Variants in PTPRN2 observed in about 807,000 individuals in gnomAD.
PTPRN2 encodes protein tyrosine phosphatase receptor type N2.
A neutral mutation model predicts 118.8 loss-of-function variants in PTPRN2; 74 were observed. That is an observed-to-expected ratio of 0.62 (90% CI 0.52 to 0.76). PTPRN2 has a LOEUF of 0.76. Ranked by LOEUF, PTPRN2 falls within the 30% of genes least tolerant of loss-of-function variation. The probability of loss-of-function intolerance (pLI) is 0.00; values close to 1 mark genes in which losing one functional copy is unlikely to be tolerated. For synonymous variants in PTPRN2, 641 were observed against 608.0 expected, an observed-to-expected ratio of 1.05 and a Z score of -0.80; for missense variants, 1,481 against 1,394.4, an observed-to-expected ratio of 1.06 and a Z score of -0.99.
intron 12 of PTPRN2, among the ~76,000 whole-genome samples, chr7:157,768,092 G>A (rs532341224): frequency 3.9e-5 from 6 of 152,308 alleles, no homozygotes; most frequent in Admixed American, 3.9e-4. Context: ...GAACAAACTG[G>A]AAAGACAAAC....
At position 158,033,596 on chromosome 7, in the gene PTPRN2, G is replaced by C. The variant is rs141202800; in HGVS notation, c.1723+47702C>G. ...ATCTCAGGAGAGGGGAGGGCTGGTG[G>C]GTGGGTTAAAGCTTGTGGCCAATGG... On this transcript the variant is annotated intron_variant, in intron 11 of 22. Transcript: ENST00000389418. 2.4e-4 allele frequency among the ~76,000 whole-genome samples: 36 copies of C among 152,300 alleles called. No individual in the cohort carries two copies. The Middle Eastern group carries it at 0.01, about 43-fold the overall frequency.
chr7:157,566,778 GGACA>G (rs1317487632), intron 21 of PTPRN2, among the ~76,000 whole-genome samples: 12 of 152,374 alleles, frequency 7.9e-5, no homozygotes, highest in Non-Finnish European at 1.3e-4. Context: ...CTCGAACCCA[GGACA>G]TACTTCTCCA....
At chr7:157,853,530 C>T (rs1809449650) in intron 12 of PTPRN2, among the ~76,000 whole-genome samples, 1 of 152,068 alleles carries the variant, frequency 6.6e-6, no homozygotes, top group Admixed American at 6.5e-5. Context: ...CAAAATCCAG[C>T]ACAAGCCCCG....
chr7:158,381,346 C>G (rs1216347316), intron 2 of PTPRN2, among the ~76,000 whole-genome samples: 3 of 152,158 alleles, frequency 2.0e-5, no homozygotes, highest in Non-Finnish European at 4.4e-5. Flanking sequence ...CGCCACATAC[C>G]CTAAATCATC....
At chr7:158,164,220 C>T (rs1040268213) in intron 6 of PTPRN2, among the ~76,000 whole-genome samples, 1 of 148,326 alleles carries the variant, frequency 6.7e-6, no homozygotes, top group African/African-American at 2.6e-5. Context: ...AGAACAGGAG[C>T]GCGCAGGAAG....
intron 1 of PTPRN2, among the ~76,000 whole-genome samples, chr7:158,545,597 A>T (rs766577699): frequency 6.6e-6 from 1 of 152,130 alleles, no homozygotes; most frequent in Non-Finnish European, 1.5e-5. Context: ...TGAGGAGCTG[A>T]GGGCCACTAG....
At chr7:158,000,419 G>GAGAAAGCC (rs1805130862) in intron 11 of PTPRN2, among the ~76,000 whole-genome samples, 1 of 152,002 alleles carries the variant, frequency 6.6e-6, no homozygotes, top group Non-Finnish European at 1.5e-5. Context: ...CACCCAACAC[G>GAGAAAGCC]TGAAAGCCGT....
At chr7:158,240,606 T>A (rs1795852943) in intron 3 of PTPRN2, among the ~76,000 whole-genome samples, 1 of 152,138 alleles carries the variant, frequency 6.6e-6, no homozygotes. Flanking sequence ...TTTTTGTATT[T>A]TTAGTAGAGA....
rs2151111578 is a variant in PTPRN2, at chr7:157,808,932, A to C, written c.1788+89741T>G. Among the ~76,000 whole-genome samples, 1 of 152,268 alleles carries C rather than the reference A, an allele frequency of 6.6e-6. No individual in the cohort carries two copies. Among genetic ancestry groups the C allele is most frequent in the African/African-American group, 2.4e-5 (1 of 41,548 alleles). ...AGCACCTCCCGAAGTGTGGTGTGTC[A>C]CTTGCTTTTATGTGGAATGTGGGCA... On this transcript the variant is annotated intron_variant, in intron 12 of 22. Coordinates refer to ENST00000389418, the MANE Select transcript of PTPRN2 (RefSeq NM_002847.5). The surrounding 1 kb of genome is among the most constrained non-coding windows in gnomAD (Gnocchi z 5.0).
intron 21 of PTPRN2, among the ~76,000 whole-genome samples, chr7:157,558,781 C>G (rs1446904444): frequency 6.6e-6 from 1 of 152,242 alleles, no homozygotes; most frequent in Admixed American, 6.5e-5. Context: ...CTCTCCTCCC[C>G]CTTGCTCCTG....
At chr7:157,750,645 A>G (rs1475172235) in intron 12 of PTPRN2, among the ~76,000 whole-genome samples, 1 of 152,220 alleles carries the variant, frequency 6.6e-6, no homozygotes, top group Non-Finnish European at 1.5e-5. Flanking sequence ...TATTTTGGAA[A>G]TAGGTTTTGG....
chr7:157,936,056 A>G (rs1192657800), intron 11 of PTPRN2, among the ~76,000 whole-genome samples: 2 of 152,212 alleles, frequency 1.3e-5, no homozygotes, highest in Non-Finnish European at 2.9e-5. Flanking sequence ...CTCATGGTGC[A>G]GCAACGCCAT....
intron 2 of PTPRN2, among the ~76,000 whole-genome samples, chr7:158,337,782 C>T (rs1169822371): frequency 4.9e-3 from 140 of 28,758 alleles, no homozygotes; most frequent in Middle Eastern, 0.017. Context: ...GTCACTCACA[C>T]CCACACTCTC....
At chr7:158,008,166 G>A (rs906095190) in intron 11 of PTPRN2, among the ~76,000 whole-genome samples, 3 of 151,472 alleles carry the variant, frequency 2.0e-5, no homozygotes, top group African/African-American at 7.3e-5. Flanking sequence ...GGTGTGCTGT[G>A]TGTGGGGTGT....
chr7:158,167,218 G>A lies in PTPRN2; in HGVS notation c.623C>T (p.Ser208Phe). ...HTSALTYPPG[S>F]RTQLREDLLP... The stretch of plus-strand genomic sequence containing the variant: ...GAGGTCCTCGCGGAGCTGGGTCCGG[G>A]ACCCGGGAGGGTAGGTCAGCGCAGA... Residue 208 changes from serine (S) to phenylalanine (F), a missense_variant, in exon 6 of 23, where the codon TCC becomes TTC. Around this residue, in one of 3 missense-constraint regions of PTPRN2, gnomAD observed 1,115 missense variants for 994.2 expected, o/e 1.12. Coordinates refer to ENST00000389418, the MANE Select transcript of PTPRN2 (RefSeq NM_002847.5). 3 of 1,613,580 alleles carry A rather than the reference G, an allele frequency of 1.9e-6. No homozygotes were observed. The highest frequency in any genetic ancestry group is 1.7e-6 in the Non-Finnish European group (2 of 1,179,896).
chr7:158,273,966 A>G (rs1291576197), intron 3 of PTPRN2, among the ~76,000 whole-genome samples: 2 of 117,866 alleles, frequency 1.7e-5, no homozygotes, highest in South Asian at 3.0e-4. Context: ...GCAGACAGAC[A>G]TGGGAGGAGC....
At chr7:158,373,973 G>C (rs1810300161) in intron 2 of PTPRN2, among the ~76,000 whole-genome samples, 1 of 152,258 alleles carries the variant, frequency 6.6e-6, no homozygotes, top group Non-Finnish European at 1.5e-5. Context: ...ATGAGACGCT[G>C]TGGGTGCTGG....
intron 3 of PTPRN2, among the ~76,000 whole-genome samples, chr7:158,272,794 C>T (rs1042555393): frequency 5.3e-5 from 8 of 152,138 alleles, no homozygotes; most frequent in Admixed American, 2.0e-4. Context: ...GGTGTGAGGG[C>T]CATCGGGGAG....
At chr7:158,273,930 G>C in intron 3 of PTPRN2, among the ~76,000 whole-genome samples, 1 of 136,964 alleles carries the variant, frequency 7.3e-6, no homozygotes, top group South Asian at 2.4e-4. Context: ...GCAGACACAG[G>C]GGGAGCCGCA....
Sources: gnomAD v4.1 joint callset for allele counts (sites outside exome capture counted in the v4.1 genomes callset) on GRCh38, gnomAD v4.1.1 for gene constraint, gnomAD v4.1.1 regional missense constraint, Gnocchi (gnomAD v3.1) non-coding constraint, MANE v1.5 for transcripts, NCBI Gene and HGNC (gene_info 2026-07-23, HGNC 2026-07-21) for gene names.